SDK1: variants seen among roughly 807,000 people sequenced by gnomAD.
SDK1 encodes protein sidekick-1.
In SDK1, 157 loss-of-function variants were observed where a neutral mutation model predicts 245.5. That is an observed-to-expected ratio of 0.64 (90% CI 0.56 to 0.73). SDK1 has a LOEUF of 0.73. SDK1 is among the 30% of genes least tolerant of loss of function. The probability of loss-of-function intolerance (pLI) is 0.00; values close to 1 mark genes in which losing one functional copy is unlikely to be tolerated. For missense variants in SDK1, 3,583 were observed against 3,002.3 expected, an observed-to-expected ratio of 1.19 and a Z score of -4.52; for synonymous variants, 1,647 against 1,278.5, an observed-to-expected ratio of 1.29 and a Z score of -6.15.
At chr7:3,526,719 T>G (rs1783146836) in intron 1 of SDK1, among the ~76,000 whole-genome samples, 1 of 152,208 alleles carries the variant, frequency 6.6e-6, no homozygotes, top group Non-Finnish European at 1.5e-5. Flanking sequence ...CTCATTTGTG[T>G]ATCTGTTCTG....
At chr7:4,260,165 G>A (rs1209726384) in intron 44 of SDK1, among the ~76,000 whole-genome samples, 1 of 149,616 alleles carries the variant, frequency 6.7e-6, no homozygotes, top group Admixed American at 6.6e-5. Context: ...TGTGTGTGTG[G>A]GAAGATGTGT....
At chr7:3,612,812 G>C (rs558669599) in intron 1 of SDK1, among the ~76,000 whole-genome samples, 1 of 152,224 alleles carries the variant, frequency 6.6e-6, no homozygotes, top group African/African-American at 2.4e-5. Context: ...CTCCCGGCTG[G>C]ACTCGCACCT....
At chr7:3,864,742 C>T (rs375583664) in intron 5 of SDK1, among the ~76,000 whole-genome samples, 2 of 152,252 alleles carry the variant, frequency 1.3e-5, no homozygotes, top group African/African-American at 2.4e-5. Flanking sequence ...CCAGGGAATA[C>T]ACCCTGTTTA....
chr7:3,403,838 T>TA lies in SDK1; in HGVS notation c.298+101955dup, dbSNP rs1336645689. On this transcript the variant is annotated intron_variant, in intron 1 of 44. Transcript: ENST00000404826. The stretch of plus-strand genomic sequence containing the variant: ...GAAATATCTTACATATATATATATA[T>TA]ATATATATATATATATATATATATA... Among the ~76,000 whole-genome samples the TA allele has an allele frequency of 1.1e-3, 62 of 57,022 alleles. 4 individuals carry two copies. In the South Asian group the frequency reaches 0.024, roughly 22 times the overall value. 37.4% of individuals were successfully genotyped at this position (57,022 alleles called of 152,430 possible).
At chr7:3,954,229 C>T (rs983186362) in intron 7 of SDK1, among the ~76,000 whole-genome samples, 1 of 147,684 alleles carries the variant, frequency 6.8e-6, no homozygotes, top group African/African-American at 2.5e-5. Context: ...AGCCCCTCTA[C>T]GCCCTCCACC....
intron 17 of SDK1, among the ~76,000 whole-genome samples, chr7:4,027,037 G>A (rs971839845): frequency 1.3e-5 from 2 of 152,210 alleles, no homozygotes; most frequent in Non-Finnish European, 2.9e-5. Context: ...AAAACGGTGT[G>A]TGCTGTTGTG....
chr7:3,788,172 C>G (rs566544662), intron 4 of SDK1, among the ~76,000 whole-genome samples: 2 of 152,236 alleles, frequency 1.3e-5, no homozygotes, highest in South Asian at 4.2e-4. Flanking sequence ...AGAGAGTGCT[C>G]GGGCACCAGC....
At chr7:3,674,697 G>C (rs1474889761) in intron 4 of SDK1, among the ~76,000 whole-genome samples, 19 of 152,158 alleles carry the variant, frequency 1.2e-4, no homozygotes, top group Admixed American at 1.2e-3. Context: ...GCTCTTGGCA[G>C]GGAAGAGCCC....
intron 35 of SDK1, among the ~76,000 whole-genome samples, chr7:4,191,791 C>T (rs1295731358): frequency 6.6e-6 from 1 of 152,378 alleles, no homozygotes; most frequent in Non-Finnish European, 1.5e-5. Flanking sequence ...ATAGGAGAAG[C>T]TGGGCTATCC....
intron 35 of SDK1, among the ~76,000 whole-genome samples, chr7:4,189,677 C>T (rs1783080359): frequency 6.6e-6 from 1 of 152,148 alleles, no homozygotes; most frequent in African/African-American, 2.4e-5. Flanking sequence ...CCCATCTCTA[C>T]TAAAAATACA....
chr7:4,144,009 A>G (rs1779774466), intron 28 of SDK1, among the ~76,000 whole-genome samples: 1 of 151,994 alleles, frequency 6.6e-6, no homozygotes, highest in African/African-American at 2.4e-5. Flanking sequence ...CCTCAGACTG[A>G]GCTTCCATTG....
At chr7:3,841,910 CA>C (rs1403410781) in intron 5 of SDK1, among the ~76,000 whole-genome samples, 2 of 152,152 alleles carry the variant, frequency 1.3e-5, no homozygotes, top group Non-Finnish European at 2.9e-5. Flanking sequence ...AAGACCGACC[CA>C]TTGGGTGGTG....
chr7:3,603,759 C>T (rs1781326713), intron 1 of SDK1, among the ~76,000 whole-genome samples: 1 of 152,106 alleles, frequency 6.6e-6, no homozygotes, highest in African/African-American at 2.4e-5. Context: ...CTGTCTTGTG[C>T]CCGTTTTTAA....
chr7:3,702,985 G>C (rs1784781700), intron 4 of SDK1, among the ~76,000 whole-genome samples: 1 of 150,386 alleles, frequency 6.6e-6, no homozygotes, highest in African/African-American at 2.4e-5. Context: ...GTTGCTGGTG[G>C]AGATATAAAT....
chr7:4,250,197 C>G (rs960356833), intron 44 of SDK1, among the ~76,000 whole-genome samples: 3 of 152,188 alleles, frequency 2.0e-5, no homozygotes, highest in Admixed American at 2.0e-4. Flanking sequence ...GATTGCAACG[C>G]ATTTGAACCA....
chr7:3,659,497 C>T (rs1783288512), intron 4 of SDK1, among the ~76,000 whole-genome samples: 1 of 152,170 alleles, frequency 6.6e-6, no homozygotes, highest in East Asian at 1.9e-4. Flanking sequence ...CAAAGGAGCT[C>T]AGGTGGCAGA....
chr7:3,858,454 TC>T (rs1330027856), intron 5 of SDK1, among the ~76,000 whole-genome samples: 3 of 149,638 alleles, frequency 2.0e-5, no homozygotes, highest in Non-Finnish European at 2.9e-5. Context: ...CTAAGTGAAT[TC>T]AAAAAATACC....
chr7:3,823,963 TTG>T (rs1449800860), intron 5 of SDK1, among the ~76,000 whole-genome samples: 2 of 151,778 alleles, frequency 1.3e-5, no homozygotes, highest in African/African-American at 4.8e-5. Flanking sequence ...TTTTTTTTTT[TTG>T]TTTTTTTTTC....
chr7:4,015,282 C>G (rs951904072), intron 16 of SDK1, among the ~76,000 whole-genome samples: 1 of 152,134 alleles, frequency 6.6e-6, no homozygotes, highest in African/African-American at 2.4e-5. Flanking sequence ...CTCAGCTCTT[C>G]CCTGGAATGT....
Sources: allele counts gnomAD v4.1 joint callset (sites outside exome capture counted in the v4.1 genomes callset), GRCh38; gene constraint gnomAD v4.1.1; transcripts MANE v1.5; gene names NCBI Gene and HGNC (gene_info 2026-07-23, HGNC 2026-07-21).